TENM3: variants seen among roughly 807,000 people sequenced by gnomAD.
TENM3 encodes the protein teneurin-3.
TENM3 carries 63 observed loss-of-function variants against 255.1 expected under a neutral mutation model. The ratio of observed to expected loss-of-function variants is 0.25; its 90% CI spans 0.20 to 0.30. TENM3 has a LOEUF of 0.30. Among genes scored for constraint, TENM3 ranks in the 10% least tolerant of loss-of-function variants. The pLI is 1.00. For synonymous variants in TENM3, 1,306 were observed against 1,322.3 expected, an observed-to-expected ratio of 0.99 and a Z score of 0.27; for missense variants, 2,929 against 3,461.1, an observed-to-expected ratio of 0.85 and a Z score of 3.86.
At chr4:182,358,655 C>T (rs373983856) in intron 3 of TENM3, among the ~76,000 whole-genome samples, 1 of 150,540 alleles carries the variant, frequency 6.6e-6, no homozygotes, top group Non-Finnish European at 1.5e-5. Flanking sequence ...ACAATCATGT[C>T]GTCTGCAAAC....
At chr4:182,366,216 G>A (rs1421203537) in intron 3 of TENM3, among the ~76,000 whole-genome samples, 2 of 151,246 alleles carry the variant, frequency 1.3e-5, no homozygotes, top group East Asian at 3.9e-4. Context: ...CTTTGTTTAA[G>A]GTATTTTTGA....
At chr4:182,391,408 A>G (rs980831460) in intron 3 of TENM3, among the ~76,000 whole-genome samples, 3 of 152,142 alleles carry the variant, frequency 2.0e-5, no homozygotes, top group Non-Finnish European at 4.4e-5. Flanking sequence ...TTTTTCATCA[A>G]AGTTACTGAG....
chr4:181,904,822 T>C, the TENM3 span, among the ~76,000 whole-genome samples: 3 of 152,130 alleles, frequency 2.0e-5, no homozygotes, highest in African/African-American at 7.2e-5. Flanking sequence ...ATAATTCCCA[T>C]GATGTGGGAG....
the TENM3 span, among the ~76,000 whole-genome samples, chr4:181,644,926 G>A: frequency 1.3e-5 from 2 of 152,046 alleles, no homozygotes; most frequent in African/African-American, 2.4e-5. Context: ...AGAAAGGCTG[G>A]GAGAGGAGGA....
the TENM3 span, among the ~76,000 whole-genome samples, chr4:181,591,413 G>A: frequency 6.6e-6 from 1 of 152,328 alleles, no homozygotes; most frequent in East Asian, 1.9e-4. Flanking sequence ...TCCATGCAAA[G>A]ACTTGTACGT....
chr4:182,529,781 A>T (rs1188782963), intron 3 of TENM3, among the ~76,000 whole-genome samples: 1 of 152,240 alleles, frequency 6.6e-6, no homozygotes, highest in Non-Finnish European at 1.5e-5. Flanking sequence ...TTAGCCACTG[A>T]CACCAAAGTC....
chr4:182,719,473 A>C lies in TENM3; in HGVS notation c.2368+5240A>C, dbSNP rs373110738. Among the ~76,000 whole-genome samples, 66 of 151,688 alleles carry C rather than the reference A, an allele frequency of 4.4e-4. 1 individual carries two copies. In the East Asian group the frequency reaches 4.7e-3, roughly 11 times the overall value. On this transcript the variant is annotated intron_variant, in intron 13 of 27. Transcript: ENST00000511685. ...GACGGGGTTCACCATGTTGGCCAGG[A>C]TGGTCTCGAACTCCTGACCTTGTGA... is the stretch of plus-strand genomic sequence containing the variant.
At chr4:181,921,942 G>A in the TENM3 span, among the ~76,000 whole-genome samples, 4 of 152,168 alleles carry the variant, frequency 2.6e-5, no homozygotes, top group Admixed American at 2.6e-4. Flanking sequence ...TTTTTAGCAT[G>A]AAAGTTGTTG....
chr4:182,590,942 T>G (rs761966984), intron 3 of TENM3, among the ~76,000 whole-genome samples: 7 of 152,208 alleles, frequency 4.6e-5, no homozygotes, highest in Non-Finnish European at 8.8e-5. Flanking sequence ...ACCTGCACTT[T>G]ACGTTTTTTC....
chr4:181,598,360 C>G, the TENM3 span, among the ~76,000 whole-genome samples: 1 of 152,168 alleles, frequency 6.6e-6, no homozygotes, highest in Non-Finnish European at 1.5e-5. Flanking sequence ...GTTAAAATCT[C>G]TATCCTTCCC....
the TENM3 span, among the ~76,000 whole-genome samples, chr4:181,454,091 T>C: frequency 6.6e-6 from 1 of 152,196 alleles, no homozygotes; most frequent in African/African-American, 2.4e-5. Context: ...GCATATTAAG[T>C]ATTAATAAGT....
chr4:182,799,739 C>T lies in TENM3; in HGVS notation c.7488C>T (p.Ile2496=). 1 of 1,560,148 alleles carries T rather than the reference C, an allele frequency of 6.4e-7. No individual in the cohort carries two copies. Among genetic ancestry groups the T allele is most frequent in the African/African-American group, 1.4e-5 (1 of 73,508 alleles). ...GGTTCGCCACGGTCAAGTCGCTGAT[C>T]GGCAAGGGCGTCATGCTGGCCGTCA... The part of the protein sequence containing the change: ...WLWFATVKSL[I]GKGVMLAVSQ... The change falls in exon 28 of 28, where the codon ATC becomes ATT. Residue 2496 remains isoleucine, a synonymous_variant. Coordinates refer to ENST00000511685, the MANE Select transcript of TENM3 (RefSeq NM_001080477.4). The surrounding 1 kb of genome is among the most constrained non-coding windows in gnomAD (Gnocchi z 4.2).
chr4:181,568,644 T>G, the TENM3 span, among the ~76,000 whole-genome samples: 2 of 152,178 alleles, frequency 1.3e-5, no homozygotes, highest in Non-Finnish European at 2.9e-5. Flanking sequence ...AACTGTCTTG[T>G]GCTGACCTAT....
chr4:181,738,725 C>A, the TENM3 span, among the ~76,000 whole-genome samples: 1 of 152,008 alleles, frequency 6.6e-6, no homozygotes, highest in Non-Finnish European at 1.5e-5. Flanking sequence ...CTGAACCCCC[C>A]TCCTAAATTA....
chr4:181,781,402 C>T, the TENM3 span, among the ~76,000 whole-genome samples: 1 of 152,122 alleles, frequency 6.6e-6, no homozygotes, highest in Non-Finnish European at 1.5e-5. Flanking sequence ...TGGGAATTCA[C>T]TCATTATTTG....
At chr4:181,976,512 ATCT>A in the TENM3 span, 3 of 152,258 alleles carry the variant, frequency 2.0e-5, no homozygotes, top group Non-Finnish European at 4.4e-5. Flanking sequence ...GGACTTCAGC[ATCT>A]TCTTGCAGGA....
intron 3 of TENM3, among the ~76,000 whole-genome samples, chr4:182,554,786 C>A (rs565480506): frequency 6.6e-6 from 1 of 151,694 alleles, no homozygotes; most frequent in Non-Finnish European, 1.5e-5. Context: ...TCACCAGAAT[C>A]AAGAGTACTT....
At chr4:181,759,932 G>C in the TENM3 span, among the ~76,000 whole-genome samples, 2 of 152,202 alleles carry the variant, frequency 1.3e-5, no homozygotes, top group Admixed American at 6.5e-5. Context: ...TGACTGAACA[G>C]GTAACTTGCT....
At chr4:182,355,232 A>G (rs1227726930) in intron 3 of TENM3, among the ~76,000 whole-genome samples, 1 of 152,152 alleles carries the variant, frequency 6.6e-6, no homozygotes, top group African/African-American at 2.4e-5. Context: ...GCAAAGGAGA[A>G]TGTGTAACTT....
Sources: allele counts gnomAD v4.1 joint callset (sites outside exome capture counted in the v4.1 genomes callset), GRCh38; gene constraint gnomAD v4.1.1; non-coding constraint Gnocchi (gnomAD v3.1); transcripts MANE v1.5; gene names NCBI Gene and HGNC (gene_info 2026-07-23, HGNC 2026-07-21).